SSR1: variants seen among roughly 807,000 people sequenced by gnomAD.
SSR1 encodes the protein signal sequence receptor subunit 1.
In SSR1, 13 loss-of-function variants were observed where a neutral mutation model predicts 36.1. The observed-to-expected ratio is 0.36, with a 90% CI of 0.23 to 0.57. The LOEUF is 0.57. SSR1 is among the 20% of genes least tolerant of loss of function. SSR1 has a pLI of 0.81. For missense variants in SSR1, 291 were observed against 338.5 expected (o/e 0.86, Z 1.10); for synonymous variants, 113 against 118.9 (o/e 0.95, Z 0.32).
At chr6:7,310,283 A>T (rs1481903310) in intron 1 of SSR1, among the ~76,000 whole-genome samples, 5 of 145,998 alleles carry the variant, frequency 3.4e-5, no homozygotes, top group African/African-American at 1.0e-4. Flanking sequence ...TTGGGAGTAC[A>T]GTTGTGCAGT....
chr6:7,295,910 TAA>T (rs1757785281), intron 6 of SSR1, among the ~76,000 whole-genome samples: 1 of 152,206 alleles, frequency 6.6e-6, no homozygotes, highest in Non-Finnish European at 1.5e-5. Context: ...GTGGACCACA[TAA>T]GAGTATCTAT....
intron 5 of SSR1, 162 bp downstream of exon 5, chr6:7,298,585 T>G (rs1757853705): frequency 1.7e-6 from 1 of 575,268 alleles, no homozygotes; most frequent in Admixed American, 3.1e-5. Flanking sequence ...ACTTTTATAG[T>G]TATAAGAATC....
rs1411597118 is a variant in SSR1 at position 7,298,881 on chromosome 6, T to G, written c.544-58A>C. On this transcript the variant is annotated intron_variant, in intron 4 of 7. Transcript: ENST00000244763. ...TAAATGCAATAAAGGAAGTAAAACA[T>G]GTAACATTACTTAAAACAGTTACTC... The G allele has an allele frequency of 5.4e-5, 74 of 1,365,452 alleles. 1 individual carries two copies. In the East Asian group the frequency reaches 1.7e-3, roughly 31 times the overall value. The allele number at this position is 1,365,452 out of a possible 1,614,324, so 84.6% of individuals were successfully genotyped here.
chr6:7,312,942 G>T, intron 1 of SSR1, 100 bp downstream of exon 1: 4 of 1,207,392 alleles, frequency 3.3e-6, no homozygotes, highest in Non-Finnish European at 4.7e-6. Flanking sequence ...GGGTGGACGC[G>T]GACCCCAGGA....
intron 6 of SSR1, among the ~76,000 whole-genome samples, chr6:7,296,677 AAGGAAAGGAGGAGGGTGAGTGAGGG>A (rs1252478984): frequency 6.6e-6 from 1 of 151,264 alleles, no homozygotes; most frequent in East Asian, 1.9e-4. Flanking sequence ...TGAGTGAGGG[AAGGAAAGGAGGAGGGTGAGTGAGGG>A]AAGGAAAGGA....
rs527585146 is a variant in SSR1 at position 7,287,809 on chromosome 6, T to C, written c.*2055A>G. 1 of 152,734 alleles carries C rather than the reference T, an allele frequency of 6.5e-6. No homozygotes were observed. Among genetic ancestry groups the C allele is most frequent in the East Asian group, 1.9e-4 (1 of 5,192 alleles). 9.5% of individuals were successfully genotyped at this position (152,734 alleles called of 1,614,324 possible). ...TTATTAAGTGTGCTTGAACAAACCA[T>C]GTGTGGAATTGAATTCCATTCATTA... On this transcript the variant is annotated 3_prime_UTR_variant, in exon 8 of 8. Coordinates refer to ENST00000244763, the MANE Select transcript of SSR1 (RefSeq NM_003144.5).
intron 1 of SSR1, among the ~76,000 whole-genome samples, chr6:7,311,650 G>A (rs1432368644): frequency 6.6e-6 from 1 of 152,090 alleles, no homozygotes; most frequent in African/African-American, 2.4e-5. Flanking sequence ...GAGCACTTTG[G>A]AATATAAAGG....
intron 2 of SSR1, among the ~76,000 whole-genome samples, chr6:7,304,716 C>G (rs1173766928): frequency 6.6e-6 from 1 of 152,216 alleles, no homozygotes; most frequent in Non-Finnish European, 1.5e-5. Flanking sequence ...AGCATCATTT[C>G]TCCAGGCATC....
At chr6:7,296,509 T>C (rs953657454) in intron 6 of SSR1, among the ~76,000 whole-genome samples, 3 of 152,262 alleles carry the variant, frequency 2.0e-5, no homozygotes, top group African/African-American at 7.2e-5. Flanking sequence ...TTTGACTGCC[T>C]GACTAAAGGC....
chr6:7,310,719 T>C (rs1758174491), intron 1 of SSR1, among the ~76,000 whole-genome samples: 1 of 152,056 alleles, frequency 6.6e-6, no homozygotes, highest in Non-Finnish European at 1.5e-5. Context: ...AAGACCAGCC[T>C]GGCCAATACA....
chr6:7,309,827 C>T (rs9379088), intron 2 of SSR1, 90 bp downstream of exon 2: 276,723 of 1,074,646 alleles, frequency 0.26, 38,053 homozygotes, highest in African/African-American at 0.46. Context: ...ATAAATTACC[C>T]AGTCTTGGGT....
chr6:7,281,595 AGTT>A lies in SSR1; in HGVS notation c.*8266_*8268del, dbSNP rs1180071255. On this transcript the variant is annotated 3_prime_UTR_variant, in exon 8 of 8. Coordinates refer to ENST00000244763, the MANE Select transcript of SSR1 (RefSeq NM_003144.5). ...ATTCCAATTTCTTCAATGTTCTCTG[AGTT>A]GTTAGATTTCAAAGTGAAGAGAACT... The A allele has an allele frequency of 6.6e-6, 1 of 152,230 alleles. No homozygotes were observed. The highest frequency in any genetic ancestry group is 1.5e-5 in the Non-Finnish European group (1 of 68,036). 9.4% of individuals were successfully genotyped at this position (152,230 alleles called of 1,614,324 possible).
Position 7,295,415 on chromosome 6 carries a change from G to A in SSR1, c.770C>T (p.Pro257Leu). 6.2e-7 allele frequency: 1 copy of A among 1,611,192 alleles called. No individual in the cohort carries two copies. Among genetic ancestry groups the A allele is most frequent in the Non-Finnish European group, 8.5e-7 (1 of 1,178,990 alleles). Residue 257 changes from proline (P) to leucine (L), a missense_variant, in exon 7 of 8, where the codon CCT becomes CTT. By Grantham distance (98) the Pro-to-Leu change is moderately conservative. Coordinates refer to ENST00000244763, the MANE Select transcript of SSR1 (RefSeq NM_003144.5). ...ACTGATTTGATTCAATGTTTCCTGA[G>A]GAATCCAACTCATGTCAACATCATT... ...SQNDVDMSWI[P>L]QETLNQINKA...
chr6:7,310,218 A>T (rs1053631946), intron 1 of SSR1, among the ~76,000 whole-genome samples, 189 bp from the exon 2 acceptor site: 1 of 143,590 alleles, frequency 7.0e-6, no homozygotes, highest in African/African-American at 2.7e-5. Context: ...TAACAACTGC[A>T]TATCAATTTT....
intron 6 of SSR1, among the ~76,000 whole-genome samples, chr6:7,296,543 T>A (rs944919393): frequency 1.3e-5 from 2 of 152,210 alleles, no homozygotes; most frequent in African/African-American, 4.8e-5. Context: ...GCCAAAATGA[T>A]TAGCAACTGT....
intron 1 of SSR1, among the ~76,000 whole-genome samples, 195 bp from the exon 2 acceptor site, chr6:7,310,224 A>ATTTT (rs10633004): frequency 0.06 from 8,295 of 139,276 alleles, 567 homozygotes; most frequent in African/African-American, 0.15. Flanking sequence ...CTGCATATCA[A>ATTTT]TTTTTTTTTT....
In SSR1 at chr6:7,309,973, T is replaced by C; in HGVS notation, c.136A>G (p.Ile46Val). Residue 46 changes from isoleucine to valine, a missense_variant, in exon 2 of 8, where the codon ATA becomes GTA. Ile to Val is a conservative substitution (Grantham distance 29). Transcript: ENST00000244763. ...GCTTCATCATCTTCATCCTCAATTA[T>C]GGAATCTTCTACTGTTTCTTCATCC... ...TEDEETVEDSIIEDEDDEAEV... is the reference protein window; with the variant it reads ...TEDEETVEDSVIEDEDDEAEV... 1 of 1,614,062 alleles carries C rather than the reference T, an allele frequency of 6.2e-7. No homozygotes were observed. The highest frequency in any genetic ancestry group is 8.5e-7 in the Non-Finnish European group (1 of 1,179,996).
At position 7,282,088 on chromosome 6, in the gene SSR1, G is replaced by A. The variant is rs1757431997; in HGVS notation, c.*7776C>T. ...GGTGGTCAATGGGTTAAACGTACAA[G>A]TTGAGGCCGAGGAACTGAGGCTGAA... On this transcript the variant is annotated 3_prime_UTR_variant, in exon 8 of 8. Transcript: ENST00000244763. 1 of 152,382 alleles carries A rather than the reference G, an allele frequency of 6.6e-6. No individual in the cohort carries two copies. Among genetic ancestry groups the A allele is most frequent in the South Asian group, 2.1e-4 (1 of 4,830 alleles). 9.4% of individuals were successfully genotyped at this position (152,382 alleles called of 1,614,324 possible).
rs1757530565 is a variant in SSR1, at chr6:7,285,467, G to C, written c.*4397C>G. 6.6e-6 allele frequency: 1 copy of C among 152,306 alleles called. No individual in the cohort carries two copies. Among genetic ancestry groups the C allele is most frequent in the Admixed American group, 6.5e-5 (1 of 15,272 alleles). 9.4% of individuals were successfully genotyped at this position (152,306 alleles called of 1,614,324 possible). Reference sequence around the variant, plus strand: ...AAGGTGGGTGAATCACTTGAGCTCAGGAGTTCGAGACCAGCCTGGCAACAT... The same window carrying C: ...AAGGTGGGTGAATCACTTGAGCTCACGAGTTCGAGACCAGCCTGGCAACAT... On this transcript the variant is annotated 3_prime_UTR_variant, in exon 8 of 8. Transcript: ENST00000244763. This position sits in a 1 kb window ranked among gnomAD's most constrained non-coding sequence, Gnocchi z 4.1.
Sources: gnomAD v4.1 joint callset for allele counts (sites outside exome capture counted in the v4.1 genomes callset) on GRCh38, gnomAD v4.1.1 for gene constraint, Gnocchi (gnomAD v3.1) non-coding constraint, MANE v1.5 for transcripts, NCBI Gene and HGNC (gene_info 2026-07-23, HGNC 2026-07-21) for gene names.